Variants in DIS3L2 observed in about 807,000 individuals in gnomAD.
The protein encoded by DIS3L2 is DIS3-like exonuclease 2.
In DIS3L2, 34 loss-of-function variants were observed where a neutral mutation model predicts 97.5. The observed-to-expected ratio is 0.35, with a 90% confidence interval of 0.27 to 0.46. The LOEUF (loss-of-function observed/expected upper bound fraction) is 0.46, where lower values mean the gene tolerates loss of function less well. DIS3L2 is among the 20% of genes least tolerant of loss of function. DIS3L2 has a pLI of 1.00. For synonymous variants in DIS3L2, 435 were observed against 445.2 expected (o/e 0.98, Z 0.29); for missense variants, 1,038 against 1,146.0 (o/e 0.91, Z 1.36).
chr2:232,027,757 T>A (rs914603168), intron 4 of DIS3L2, among the ~76,000 whole-genome samples: 8 of 152,206 alleles, frequency 5.3e-5, no homozygotes, highest in Non-Finnish European at 8.8e-5. Flanking sequence ...TCATGACACA[T>A]CTAAACTATA....
intron 11 of DIS3L2, 143 bp from the exon 12 acceptor site, chr2:232,249,096 T>C: frequency 1.4e-6 from 1 of 700,376 alleles, no homozygotes; most frequent in Non-Finnish European, 2.4e-6. Context: ...AGTGTGGTCT[T>C]TCTGCAGAGT....
At chr2:232,203,459 A>G (rs1691949649) in intron 9 of DIS3L2, among the ~76,000 whole-genome samples, 1 of 152,230 alleles carries the variant, frequency 6.6e-6, no homozygotes, top group Non-Finnish European at 1.5e-5. Context: ...AATGCCAGGA[A>G]GTCATGAGTT....
chr2:232,079,746 A>G (rs754868166), intron 5 of DIS3L2, among the ~76,000 whole-genome samples: 6 of 152,218 alleles, frequency 3.9e-5, no homozygotes, highest in African/African-American at 9.6e-5. Flanking sequence ...AGAGACTTCA[A>G]CAAAACAAGA....
Position 232,336,628 on chromosome 2 carries a change from T to TGAGCTCCACCAGCC in DIS3L2, c.2658_*13dup. 1 of 1,595,088 alleles carries TGAGCTCCACCAGCC rather than the reference T, an allele frequency of 6.3e-7. No individual in the cohort carries two copies. The highest frequency in any genetic ancestry group is 2.3e-5 in the East Asian group (1 of 44,158). On this transcript the variant is annotated frameshift_variant and stop_retained_variant, in exon 21 of 21. Coordinates refer to ENST00000325385, the MANE Select transcript of DIS3L2 (RefSeq NM_152383.5). LOFTEE classifies it high-confidence loss of function. ...TGAGCCCGAGGACTCAAGCACCAGC[T>TGAGCTCCACCAGCC]GAGCTCCACCAGCCGCCTGCCCCGC... is the stretch of plus-strand genomic sequence containing the variant.
At chr2:232,175,069 T>A (rs1038596397) in intron 9 of DIS3L2, among the ~76,000 whole-genome samples, 4 of 152,132 alleles carry the variant, frequency 2.6e-5, no homozygotes, top group African/African-American at 9.7e-5. Flanking sequence ...GCTCAAGTGA[T>A]CTGCCCGCCC....
chr2:232,176,171 G>A (rs570310163), intron 9 of DIS3L2, among the ~76,000 whole-genome samples: 14 of 152,272 alleles, frequency 9.2e-5, no homozygotes, highest in African/African-American at 3.1e-4. Context: ...GATTACAGGC[G>A]TGAGCCACCG....
chr2:231,975,047 T>C (rs1693041147), intron 1 of DIS3L2, among the ~76,000 whole-genome samples: 1 of 152,080 alleles, frequency 6.6e-6, no homozygotes, highest in Non-Finnish European at 1.5e-5. Context: ...GGGTATAGAG[T>C]TGAACTGGTT....
rs182054674 is a variant in DIS3L2, at chr2:232,166,213, C to A, written c.1124+2581C>A. On this transcript the variant is annotated intron_variant, in intron 9 of 20. Transcript: ENST00000325385. ...GTTTGAGGCTGCAGTGAGCTATAATCATGCCGCTACACTCCAGCCTGGACA... is the reference window on the plus strand; with the variant it reads ...GTTTGAGGCTGCAGTGAGCTATAATAATGCCGCTACACTCCAGCCTGGACA... 5.9e-5 allele frequency among the ~76,000 whole-genome samples: 9 copies of A among 152,210 alleles called. No homozygotes were observed. The East Asian group carries it at 1.7e-3, about 29-fold the overall frequency.
rs377321022 is a variant in DIS3L2 at position 232,263,310 on chromosome 2, C to G, written c.1529C>G (p.Ala510Gly). Residue 510 changes from alanine to glycine, a missense_variant, in exon 13 of 21, where the codon GCG (alanine) becomes GGG (glycine). Around this residue, in one of 3 missense-constraint regions of DIS3L2, gnomAD observed 813 missense variants for 880.1 expected, o/e 0.92. Coordinates refer to ENST00000325385, the MANE Select transcript of DIS3L2 (RefSeq NM_152383.5). Reference sequence around the variant, plus strand: ...GAAAGCCCAACTGAGAAAATCCCTGCGAAAGAGCTGCCCCCCATTTCCCCA... The same window carrying G: ...GAAAGCCCAACTGAGAAAATCCCTGGGAAAGAGCTGCCCCCCATTTCCCCA... Reference protein sequence around the residue: ...MIESPTEKIPAKELPPISPEH... With the variant: ...MIESPTEKIPGKELPPISPEH... 2.7e-5 allele frequency: 43 copies of G among 1,614,068 alleles called. 1 individual carries two copies. The South Asian group carries it at 4.3e-4, about 16-fold the overall frequency.
At chr2:232,145,267 T>C (rs1690186383) in intron 8 of DIS3L2, among the ~76,000 whole-genome samples, 2 of 152,210 alleles carry the variant, frequency 1.3e-5, no homozygotes, top group African/African-American at 4.8e-5. Context: ...TTTCCTGTTA[T>C]TAATGGTATC....
At chr2:231,971,533 C>T (rs571135069) in intron 1 of DIS3L2, among the ~76,000 whole-genome samples, 80 of 152,108 alleles carry the variant, frequency 5.3e-4, no homozygotes, top group African/African-American at 1.9e-3. Flanking sequence ...CTGCAAGCTC[C>T]GCCTCCCAGG....
chr2:232,128,451 ATTTTTT>A (rs10682281), intron 6 of DIS3L2, among the ~76,000 whole-genome samples: 1,053 of 71,684 alleles, frequency 0.015, 5 homozygotes, highest in Non-Finnish European at 0.022. Context: ...AACTTTGCTA[ATTTTTT>A]TTTTTTTTTT....
At position 232,336,808 on chromosome 2, in the gene DIS3L2, G is replaced by A. The variant is rs1168252218; in HGVS notation, c.*178G>A. On this transcript the variant is annotated 3_prime_UTR_variant, in exon 21 of 21. Transcript: ENST00000325385. ...AACAAACTGCAGGGGAGAGGGTGGG[G>A]CTGGAAGGAAGGCTGAGGCCTGGTC... The A allele has an allele frequency of 6.3e-6, 9 of 1,428,844 alleles. No individual in the cohort carries two copies. The highest frequency in any genetic ancestry group is 8.2e-6 in the Non-Finnish European group (9 of 1,098,106). The allele number at this position is 1,428,844 out of a possible 1,614,324, so 88.5% of individuals were successfully genotyped here.
At chr2:232,251,510 T>G (rs1397238170) in intron 12 of DIS3L2, among the ~76,000 whole-genome samples, 2 of 151,990 alleles carry the variant, frequency 1.3e-5, no homozygotes. Flanking sequence ...GTTCCAGAAA[T>G]AGAGAACAAA....
chr2:232,270,694 A>G (rs1008654385), intron 13 of DIS3L2, among the ~76,000 whole-genome samples: 3 of 152,248 alleles, frequency 2.0e-5, no homozygotes, highest in Non-Finnish European at 4.4e-5. Context: ...ATATGGATAT[A>G]TTTAAGATTA....
At chr2:232,055,507 T>G (rs909867175) in intron 5 of DIS3L2, among the ~76,000 whole-genome samples, 8 of 152,272 alleles carry the variant, frequency 5.3e-5, no homozygotes. Context: ...TAAATGGTCA[T>G]GGACTGTAAA....
chr2:232,004,192 C>G (rs1693985536), intron 1 of DIS3L2, among the ~76,000 whole-genome samples: 1 of 152,042 alleles, frequency 6.6e-6, no homozygotes, highest in African/African-American at 2.4e-5. Context: ...CATGCCTCAC[C>G]CTCCCAAGTA....
intron 5 of DIS3L2, 124 bp from the exon 6 acceptor site, chr2:232,087,363 T>A (rs1015065252): frequency 2.2e-5 from 15 of 684,714 alleles, no homozygotes; most frequent in Non-Finnish European, 2.7e-5. Flanking sequence ...TTTTTTGAAC[T>A]ACATGATTAG....
chr2:232,085,417 A>C (rs1193537383), intron 5 of DIS3L2, among the ~76,000 whole-genome samples: 3 of 152,244 alleles, frequency 2.0e-5, no homozygotes, highest in Admixed American at 1.3e-4. Context: ...TGTAGGACTC[A>C]TGACGGTGCC....
Sources: gnomAD v4.1 joint callset for allele counts (sites outside exome capture counted in the v4.1 genomes callset) on GRCh38, gnomAD v4.1.1 for gene constraint, gnomAD v4.1.1 regional missense constraint, MANE v1.5 for transcripts, NCBI Gene and HGNC (gene_info 2026-07-23, HGNC 2026-07-21) for gene names.